The following RASGRF1 variants were observed in gnomAD, a reference collection of about 807,000 sequenced individuals.
The protein encoded by RASGRF1 is Ras protein specific guanine nucleotide releasing factor 1, also known as ras-specific guanine nucleotide-releasing factor 1.
A neutral mutation model predicts 138.7 loss-of-function variants in RASGRF1; 40 were observed. That is an observed-to-expected ratio of 0.29 (90% CI 0.22 to 0.38). The LOEUF is 0.38. RASGRF1 is among the 10% of genes least tolerant of loss of function. The probability of loss-of-function intolerance (pLI) is 1.00; values close to 1 mark genes in which losing one functional copy is unlikely to be tolerated. For synonymous variants in RASGRF1, 614 were observed against 663.2 expected (o/e 0.93, Z 1.14); for missense variants, 1,108 against 1,650.4 (o/e 0.67, Z 5.69).
At chr15:79,069,358 A>G (rs531468699) in intron 1 of RASGRF1, among the ~76,000 whole-genome samples, 14 of 152,294 alleles carry the variant, frequency 9.2e-5, no homozygotes, top group Non-Finnish European at 2.9e-5. Context: ...CATCCCAGCC[A>G]CACTGCTGTA....
At chr15:79,037,927 C>A (rs565330229) in intron 5 of RASGRF1, among the ~76,000 whole-genome samples, 1 of 151,782 alleles carries the variant, frequency 6.6e-6, no homozygotes, top group Non-Finnish European at 1.5e-5. Flanking sequence ...ATAAGGAGCA[C>A]GCAACTTAGA....
intron 1 of RASGRF1, among the ~76,000 whole-genome samples, chr15:79,065,445 G>A (rs1287233017): frequency 2.0e-5 from 3 of 152,126 alleles, no homozygotes; most frequent in African/African-American, 7.2e-5. Flanking sequence ...GCTGAGAGGA[G>A]GAGCCGTGGG....
At chr15:79,057,513 G>A (rs2057526635) in intron 3 of RASGRF1, among the ~76,000 whole-genome samples, 1 of 152,232 alleles carries the variant, frequency 6.6e-6, no homozygotes, top group Admixed American at 6.5e-5. Context: ...TGCAAAATCT[G>A]TGGTCCTTGT....
intron 1 of RASGRF1, among the ~76,000 whole-genome samples, chr15:79,065,045 G>T (rs535821606): frequency 6.6e-6 from 1 of 152,208 alleles, no homozygotes; most frequent in Admixed American, 6.5e-5. Context: ...GCCAACCATG[G>T]GCCCTGCCCC....
intron 12 of RASGRF1, among the ~76,000 whole-genome samples, chr15:79,017,399 T>C (rs1297697470): frequency 6.6e-6 from 1 of 152,180 alleles, no homozygotes; most frequent in Non-Finnish European, 1.5e-5. Flanking sequence ...ATCAATGACC[T>C]GGGGCATGTA....
intron 23 of RASGRF1, 107 bp downstream of exon 23, chr15:78,984,900 C>G (rs778314776): frequency 8.0e-7 from 1 of 1,245,628 alleles, no homozygotes; most frequent in South Asian, 1.3e-5. Flanking sequence ...AGACCTCAGC[C>G]CAGTACTTTG....
intron 22 of RASGRF1, among the ~76,000 whole-genome samples, chr15:78,986,134 TG>T (rs2056151741): frequency 6.6e-6 from 1 of 152,140 alleles, no homozygotes; most frequent in South Asian, 2.1e-4. Flanking sequence ...GAAGCACTGC[TG>T]GTCTCACATA....
chr15:79,035,034 TC>T, intron 6 of RASGRF1, 96 bp downstream of exon 6: 1 of 962,836 alleles, frequency 1.0e-6, no homozygotes, highest in South Asian at 1.9e-5. Flanking sequence ...AAAGTGACAC[TC>T]TATTATGCTC....
At chr15:79,008,823 C>G (rs1458023586) in intron 13 of RASGRF1, among the ~76,000 whole-genome samples, 1 of 152,188 alleles carries the variant, frequency 6.6e-6, no homozygotes, top group Non-Finnish European at 1.5e-5. Context: ...GCTGGCATGA[C>G]TCCACAAGGC....
At chr15:79,043,371 C>T (rs1337311657) in intron 5 of RASGRF1, among the ~76,000 whole-genome samples, 2 of 152,040 alleles carry the variant, frequency 1.3e-5, no homozygotes, top group Non-Finnish European at 2.9e-5. Flanking sequence ...CAGAAGTGTT[C>T]CTTCCATGTT....
intron 1 of RASGRF1, among the ~76,000 whole-genome samples, chr15:79,067,074 T>C (rs540876105): frequency 6.6e-5 from 10 of 152,242 alleles, no homozygotes; most frequent in African/African-American, 2.4e-4. Context: ...CCTCCTGGGA[T>C]AGGAGACACT....
chr15:79,011,614 C>T (rs573570087), intron 13 of RASGRF1, among the ~76,000 whole-genome samples: 1 of 152,312 alleles, frequency 6.6e-6, no homozygotes, highest in Admixed American at 6.5e-5. Flanking sequence ...TGGCCAGGCA[C>T]TCGTCCCTAT....
intron 2 of RASGRF1, among the ~76,000 whole-genome samples, chr15:79,062,407 G>A (rs1293161415): frequency 6.6e-6 from 1 of 152,110 alleles, no homozygotes; most frequent in African/African-American, 2.4e-5. Context: ...TACTCCCCTT[G>A]TATAAAACCC....
chr15:79,086,578 C>T (rs543524301), intron 1 of RASGRF1, among the ~76,000 whole-genome samples: 9 of 47,546 alleles, frequency 1.9e-4, no homozygotes, highest in Admixed American at 6.6e-4. Flanking sequence ...TTCTAAGACC[C>T]CCCCCCCCCA....
At chr15:79,055,425 A>G (rs1193922324) in intron 3 of RASGRF1, among the ~76,000 whole-genome samples, 1 of 152,214 alleles carries the variant, frequency 6.6e-6, no homozygotes, top group Non-Finnish European at 1.5e-5. Flanking sequence ...AGACAGAGAG[A>G]GACCAAGAGA....
intron 23 of RASGRF1, 108 bp from the exon 24 acceptor site, chr15:78,980,807 G>A: frequency 1.2e-6 from 1 of 809,474 alleles, no homozygotes; most frequent in East Asian, 2.7e-5. Flanking sequence ...CTCCAGAATT[G>A]CCTTCCCTTG....
chr15:78,980,527 ACCT>A, intron 24 of RASGRF1, 90 bp downstream of exon 24: 1 of 974,022 alleles, frequency 1.0e-6, no homozygotes, highest in Non-Finnish European at 1.6e-6. Flanking sequence ...AGACAGAAAG[ACCT>A]CCTGCTCTGG....
Position 79,051,904 on chromosome 15 carries a change from C to T in RASGRF1, c.532-2316G>A, listed in dbSNP as rs555238513. Among the ~76,000 whole-genome samples the T allele has an allele frequency of 3.3e-5, 5 of 152,266 alleles. No homozygotes were observed. In the South Asian group the frequency reaches 1.0e-3, roughly 32 times the overall value. ...GCCAATATCGGGATGGTGGTGGGAG[C>T]CCCAGGCCTAAAGGGCTCATGGAGG... is the stretch of plus-strand genomic sequence containing the variant. On this transcript the variant is annotated intron_variant, in intron 3 of 26. Transcript: ENST00000558480.
intron 13 of RASGRF1, among the ~76,000 whole-genome samples, chr15:79,014,631 G>C (rs1408320660): frequency 1.3e-5 from 2 of 152,100 alleles, no homozygotes; most frequent in Non-Finnish European, 2.9e-5. Flanking sequence ...ACTACAAATT[G>C]GAGCCGGAGG....
Sources: allele counts gnomAD v4.1 joint callset (sites outside exome capture counted in the v4.1 genomes callset), GRCh38; gene constraint gnomAD v4.1.1; transcripts MANE v1.5; gene names NCBI Gene and HGNC (gene_info 2026-07-23, HGNC 2026-07-21).